Variants in SLC1A3 observed in about 807,000 individuals in gnomAD.
SLC1A3 encodes solute carrier family 1 member 3.
SLC1A3 carries 21 observed loss-of-function variants against 48.1 expected under a neutral mutation model. The ratio of observed to expected loss-of-function variants is 0.44; its 90% confidence interval spans 0.31 to 0.63. SLC1A3 has a LOEUF of 0.63. SLC1A3 is among the 20% of genes least tolerant of loss of function. The pLI is 0.08. For missense variants in SLC1A3, 546 were observed against 689.0 expected, an observed-to-expected ratio of 0.79 and a Z score of 2.32; for synonymous variants, 239 against 251.4, an observed-to-expected ratio of 0.95 and a Z score of 0.47.
chr5:36,643,082 T>A (rs563635207), intron 3 of SLC1A3, among the ~76,000 whole-genome samples: 34 of 152,318 alleles, frequency 2.2e-4, no homozygotes, highest in African/African-American at 7.9e-4. Context: ...GGGTTTTTCC[T>A]ATTTTTTGGT....
chr5:36,631,193 G>A (rs1488814885), intron 3 of SLC1A3, among the ~76,000 whole-genome samples: 1 of 152,158 alleles, frequency 6.6e-6, no homozygotes, highest in Non-Finnish European at 1.5e-5. Context: ...CTCTTCAAGG[G>A]TGGAACCAAT....
At chr5:36,642,930 T>C (rs1740678195) in intron 3 of SLC1A3, among the ~76,000 whole-genome samples, 1 of 152,214 alleles carries the variant, frequency 6.6e-6, no homozygotes, top group Non-Finnish European at 1.5e-5. Flanking sequence ...ATATGATACA[T>C]ACATATTGCA....
intron 3 of SLC1A3, among the ~76,000 whole-genome samples, chr5:36,644,863 C>T (rs1740771811): frequency 6.6e-6 from 1 of 152,112 alleles, no homozygotes; most frequent in South Asian, 2.1e-4. Context: ...TGTGGTTGTC[C>T]TGTGAGGTGG....
intron 4 of SLC1A3, 77 bp from the exon 5 acceptor site, chr5:36,673,972 A>G: frequency 1.8e-6 from 2 of 1,137,048 alleles, no homozygotes; most frequent in Non-Finnish European, 2.7e-6. Flanking sequence ...TCTTTACCTT[A>G]CACACAATGA....
At chr5:36,603,777 G>A (rs1164283782), upstream of SLC1A3, among the ~76,000 whole-genome samples, 2 of 152,080 alleles carry the variant, frequency 1.3e-5, no homozygotes, top group African/African-American at 4.8e-5. Context: ...CCAAATTCTA[G>A]GAGGAGAATT....
At chr5:36,607,262 C>T (rs915084144) in intron 1 of SLC1A3, 1 of 152,140 alleles carries the variant, frequency 6.6e-6, no homozygotes, top group African/African-American at 2.4e-5. Context: ...GTTACCTCCC[C>T]CACAGGCGCA....
chr5:36,607,372 A>G (rs2111649860), intron 1 of SLC1A3: 1 of 152,308 alleles, frequency 6.6e-6, no homozygotes, highest in Non-Finnish European at 1.5e-5. Flanking sequence ...GCTCCTGTAA[A>G]GCACCAGGAG....
intron 6 of SLC1A3, among the ~76,000 whole-genome samples, chr5:36,677,728 G>T (rs951085899): frequency 6.6e-6 from 1 of 152,184 alleles, no homozygotes; most frequent in African/African-American, 2.4e-5. Flanking sequence ...AGGAGGTGAC[G>T]TACTTTGTTA....
chr5:36,636,463 T>TTTTTTCTTTC (rs1554041158), intron 3 of SLC1A3: 2 of 68,598 alleles, frequency 2.9e-5, no homozygotes, highest in Non-Finnish European at 5.6e-5. Flanking sequence ...TCTTTCTTTC[T>TTTTTTCTTTC]TTTCTTTCTT....
intron 2 of SLC1A3, chr5:36,608,991 A>C (rs1739082620): frequency 1.0e-6 from 1 of 1,002,148 alleles, no homozygotes; most frequent in African/African-American, 1.7e-5. Flanking sequence ...TACAATTAGT[A>C]CACCTAAAAT....
rs144428325 is a variant in SLC1A3 at position 36,612,085 on chromosome 5, G to GCACA, written c.181+3494_181+3497dup. On this transcript the variant is annotated intron_variant, in intron 2 of 9. Transcript: ENST00000265113. ...GGCGCACGCGCACACACACACACACGCACACACACACACACAGAGTTTGCA... is the reference window on the plus strand; with the variant it reads ...GGCGCACGCGCACACACACACACACGCACACACACACACACACACAGAGTTTGCA... Among the ~76,000 whole-genome samples, 746 of 147,970 alleles carry GCACA rather than the reference G, an allele frequency of 5.0e-3. 3 individuals carry two copies. The highest frequency in any genetic ancestry group is 0.015 in the African/African-American group (614 of 40,566).
chr5:36,622,850 A>G (rs1195633835), intron 2 of SLC1A3, among the ~76,000 whole-genome samples: 1 of 83,258 alleles, frequency 1.2e-5, no homozygotes, highest in Non-Finnish European at 2.7e-5. Context: ...TCACTAAAAA[A>G]AAATACAAAA....
chr5:36,615,072 T>G (rs1460991398), intron 2 of SLC1A3, among the ~76,000 whole-genome samples: 1 of 152,188 alleles, frequency 6.6e-6, no homozygotes, highest in Non-Finnish European at 1.5e-5. Context: ...CAAAGCACTT[T>G]CTGTTGCACT....
Position 36,629,760 on chromosome 5 carries a change from T to C in SLC1A3, c.319+173T>C, listed in dbSNP as rs531630377. 2.4e-4 allele frequency among the ~76,000 whole-genome samples: 36 copies of C among 151,646 alleles called. 1 individual carries two copies. The South Asian group carries it at 4.2e-3, about 18-fold the overall frequency. On this transcript the variant is annotated intron_variant, in intron 3 of 9. Coordinates refer to ENST00000265113, the MANE Select transcript of SLC1A3 (RefSeq NM_004172.5). ...GAGGCTTTAGTAATGCATGAATGAT[T>C]ATAACTCTCGTATTTTACCAATCAC...
At chr5:36,683,282 T>C in intron 8 of SLC1A3, among the ~76,000 whole-genome samples, 1 of 152,232 alleles carries the variant, frequency 6.6e-6, no homozygotes, top group East Asian at 1.9e-4. Flanking sequence ...ACTAGAATAA[T>C]AGGTCCAACT....
upstream of SLC1A3, among the ~76,000 whole-genome samples, chr5:36,602,893 T>G (rs1738823985): frequency 6.6e-6 from 1 of 152,046 alleles, no homozygotes; most frequent in African/African-American, 2.4e-5. Flanking sequence ...GGCTGGAGAG[T>G]GCACACTCCA....
intron 4 of SLC1A3, among the ~76,000 whole-genome samples, chr5:36,672,066 C>T (rs1742019594): frequency 6.6e-6 from 1 of 152,126 alleles, no homozygotes; most frequent in Non-Finnish European, 1.5e-5. Context: ...GCCTCAAAGC[C>T]CTAACAGTAA....
intron 3 of SLC1A3, among the ~76,000 whole-genome samples, chr5:36,636,724 C>T (rs1311523517): frequency 6.6e-6 from 1 of 151,538 alleles, no homozygotes; most frequent in Non-Finnish European, 1.5e-5. Flanking sequence ...AGGAACATGG[C>T]CTCACAAATG....
rs201285105 is a variant in SLC1A3 at position 36,607,700 on chromosome 5, G to GA, written c.-95-621dup. ...CCCAGAGCACTTTGCTTATTTCATGGAAAAAAAATGAAAAAATTACCCTGT... is the reference window on the plus strand; with the variant it reads ...CCCAGAGCACTTTGCTTATTTCATGGAAAAAAAAATGAAAAAATTACCCTGT... On this transcript the variant is annotated intron_variant, in intron 1 of 9. Transcript: ENST00000265113. Among the ~76,000 whole-genome samples the GA allele has an allele frequency of 5.3e-3, 798 of 151,858 alleles. 2 individuals are homozygous for GA. Among genetic ancestry groups the GA allele is most frequent in the Non-Finnish European group, 8.2e-3 (559 of 67,924 alleles).
Sources: gnomAD v4.1 joint callset for allele counts (sites outside exome capture counted in the v4.1 genomes callset) on GRCh38, gnomAD v4.1.1 for gene constraint, MANE v1.5 for transcripts, NCBI Gene and HGNC (gene_info 2026-07-23, HGNC 2026-07-21) for gene names.